The following ECPAS variants were observed in gnomAD, a reference collection of about 807,000 sequenced individuals.
The protein encoded by ECPAS is proteasome adapter and scaffold protein ECM29.
Under a neutral mutation model 255.1 loss-of-function variants are expected in ECPAS, and 70 were observed. The ratio of observed to expected loss-of-function variants is 0.27; its 90% confidence interval spans 0.23 to 0.33. The LOEUF is 0.33. Among genes scored for constraint, ECPAS ranks in the 10% least tolerant of loss-of-function variants. The probability of loss-of-function intolerance (pLI) is 1.00; values close to 1 mark genes in which losing one functional copy is unlikely to be tolerated. For missense variants in ECPAS, 1,817 were observed against 2,206.4 expected, an observed-to-expected ratio of 0.82 and a Z score of 3.54; for synonymous variants, 784 against 775.0, an observed-to-expected ratio of 1.01 and a Z score of -0.19.
At chr9:111,416,825 C>T (rs73656249) in intron 17 of ECPAS, among the ~76,000 whole-genome samples, 8,495 of 152,130 alleles carry the variant, frequency 0.056, 576 homozygotes, top group African/African-American at 0.15. Context: ...AGGTGTCCTC[C>T]GGCAAAGTGG....
intron 45 of ECPAS, among the ~76,000 whole-genome samples, chr9:111,369,981 G>A (rs2098125350): frequency 6.6e-6 from 1 of 152,176 alleles, no homozygotes; most frequent in Admixed American, 6.5e-5. Context: ...TCCCATGGAG[G>A]GCAAATGGAC....
chr9:111,399,654 G>A (rs1397592491), intron 24 of ECPAS, among the ~76,000 whole-genome samples: 1 of 152,190 alleles, frequency 6.6e-6, no homozygotes, highest in African/African-American at 2.4e-5. Flanking sequence ...CACACTTGGA[G>A]GGAGGAAAAG....
intron 2 of ECPAS, among the ~76,000 whole-genome samples, chr9:111,459,517 T>C (rs931896835): frequency 6.6e-6 from 1 of 152,158 alleles, no homozygotes; most frequent in African/African-American, 2.4e-5. Flanking sequence ...GAATTATTAG[T>C]AGAATCCCAC....
At position 111,383,235 on chromosome 9, in the gene ECPAS, G is replaced by C; in HGVS notation, c.3779C>G (p.Thr1260Ser). ...PCLLDKGMMSTVTEVRALSIN... is the reference protein window; with the variant it reads ...PCLLDKGMMSSVTEVRALSIN... ...CCTGAGGGCTCGAACTTCCGTCACGGTGCTCATCATTCCTTTGTCCAGAAG... is the reference window on the plus strand; with the variant it reads ...CCTGAGGGCTCGAACTTCCGTCACGCTGCTCATCATTCCTTTGTCCAGAAG... Residue 1260 changes from threonine to serine, a missense_variant, in exon 35 of 50, where the codon ACC (threonine) becomes AGC (serine). By Grantham distance (58) the Thr-to-Ser change is moderately conservative. Coordinates refer to ENST00000684092, the MANE Select transcript of ECPAS (RefSeq NM_001364929.1). The C allele has an allele frequency of 6.2e-7, 1 of 1,613,820 alleles. No homozygotes were observed. The highest frequency in any genetic ancestry group is 1.7e-5 in the Admixed American group (1 of 60,004).
intron 2 of ECPAS, among the ~76,000 whole-genome samples, chr9:111,452,346 C>T (rs1589217947): frequency 6.6e-6 from 1 of 152,210 alleles, no homozygotes; most frequent in East Asian, 1.9e-4. Context: ...TTTCGATCTG[C>T]GTGATTATAG....
chr9:111,371,966 G>C (rs1186999535), intron 42 of ECPAS, 137 bp from the exon 43 acceptor site: 2 of 673,516 alleles, frequency 3.0e-6, no homozygotes, highest in Non-Finnish European at 5.0e-6. Flanking sequence ...CTCTCAAAGG[G>C]AGAGAAAGTG....
chr9:111,380,809 T>G (rs1296376400), intron 35 of ECPAS, among the ~76,000 whole-genome samples: 2 of 152,216 alleles, frequency 1.3e-5, no homozygotes, highest in East Asian at 1.9e-4. Flanking sequence ...ACAGCTTCTT[T>G]CCTTAAACCT....
At chr9:111,473,097 C>A in intron 1 of ECPAS, 97 bp from the exon 2 acceptor site, 1 of 228,068 alleles carries the variant, frequency 4.4e-6, no homozygotes, top group Non-Finnish European at 7.6e-6. Flanking sequence ...CTTGTTAGAT[C>A]TTTGATGCCC....
intron 2 of ECPAS, among the ~76,000 whole-genome samples, chr9:111,458,701 C>T (rs2098269820): frequency 6.6e-6 from 1 of 152,068 alleles, no homozygotes; most frequent in Non-Finnish European, 1.5e-5. Flanking sequence ...ATCAATCAAT[C>T]ACACCTGGTC....
chr9:111,419,878 A>G (rs2098210653), intron 16 of ECPAS, 139 bp downstream of exon 16: 1 of 580,692 alleles, frequency 1.7e-6, no homozygotes, highest in Non-Finnish European at 3.1e-6. Flanking sequence ...ACAGGTCTAT[A>G]TCACATCAAG....
At chr9:111,377,109 T>TA (rs1036666536) in intron 36 of ECPAS, among the ~76,000 whole-genome samples, 1 of 152,066 alleles carries the variant, frequency 6.6e-6, no homozygotes, top group Non-Finnish European at 1.5e-5. Context: ...AAACATCCTA[T>TA]GGGCACCCAG....
At chr9:111,365,379 T>C (rs1484866278) in intron 48 of ECPAS, among the ~76,000 whole-genome samples, 4 of 151,392 alleles carry the variant, frequency 2.6e-5, no homozygotes, top group Non-Finnish European at 5.9e-5. Context: ...ATAAAGAACA[T>C]TACTGGCTGG....
Position 111,372,421 on chromosome 9 carries a change from C to T in ECPAS, c.4528+8G>A, listed in dbSNP as rs2098128582. 5 of 1,612,378 alleles carry T rather than the reference C, an allele frequency of 3.1e-6. No individual in the cohort carries two copies. The highest frequency in any genetic ancestry group is 3.3e-5 in the Admixed American group (2 of 59,948). On this transcript the variant is annotated splice_region_variant and intron_variant, in intron 42 of 49. Coordinates refer to ENST00000684092, the MANE Select transcript of ECPAS (RefSeq NM_001364929.1). Reference sequence around the variant, plus strand: ...AGAAGCAGGTTTAACTCAGGCCACACTACTAACCAGGTACGTTTTCCTGCC... The same window carrying T: ...AGAAGCAGGTTTAACTCAGGCCACATTACTAACCAGGTACGTTTTCCTGCC...
In ECPAS at chr9:111,361,837, C is replaced by A; in HGVS notation, c.*193G>T. The A allele has an allele frequency of 3.6e-6, 2 of 555,140 alleles. No homozygotes were observed. The highest frequency in any genetic ancestry group is 3.3e-5 in the East Asian group (1 of 29,994). 34.4% of individuals were successfully genotyped at this position (555,140 alleles called of 1,614,324 possible). On this transcript the variant is annotated 3_prime_UTR_variant, in exon 50 of 50. Coordinates refer to ENST00000684092, the MANE Select transcript of ECPAS (RefSeq NM_001364929.1). ...CAAGGTTCCATTAAGCTCACTCAGC[C>A]CAGATACTTTAAAAACATAAAGTAA...
At chr9:111,481,159 G>C (rs1402856626) in intron 1 of ECPAS, among the ~76,000 whole-genome samples, 5 of 152,210 alleles carry the variant, frequency 3.3e-5, no homozygotes, top group African/African-American at 1.2e-4. Context: ...AGAACTCTGT[G>C]TATTGTTGGT....
At chr9:111,417,399 AT>A (rs549766326) in intron 17 of ECPAS, among the ~76,000 whole-genome samples, 2 of 152,210 alleles carry the variant, frequency 1.3e-5, no homozygotes, top group East Asian at 1.9e-4. Context: ...GAGGATTACA[AT>A]TTTTTTTCCT....
Position 111,421,910 on chromosome 9 carries a change from C to T in ECPAS, c.1455+11G>A, listed in dbSNP as rs756230516. On this transcript the variant is annotated intron_variant, in intron 15 of 49. Transcript: ENST00000684092. ...TATACTACCCAGGCTTTGTAGTTCA[C>T]ACGGACCTACCTTTATTAAGTACGA... The T allele has an allele frequency of 3.7e-6, 6 of 1,612,054 alleles. No individual in the cohort carries two copies. The Admixed American group carries it at 1.0e-4, about 27-fold the overall frequency.
At chr9:111,377,668 ATGTT>A (rs1157755871) in intron 36 of ECPAS, among the ~76,000 whole-genome samples, 1 of 152,184 alleles carries the variant, frequency 6.6e-6, no homozygotes, top group African/African-American at 2.4e-5. Flanking sequence ...TTAAATTAGT[ATGTT>A]TGTTTGGTTT....
At chr9:111,379,184 TCAA>T (rs1408013707) in intron 35 of ECPAS, among the ~76,000 whole-genome samples, 3 of 152,152 alleles carry the variant, frequency 2.0e-5, no homozygotes, top group East Asian at 3.8e-4. Context: ...GACATTTCAG[TCAA>T]CAACAACAGA....
Sources: gnomAD v4.1 joint callset for allele counts (sites outside exome capture counted in the v4.1 genomes callset) on GRCh38, gnomAD v4.1.1 for gene constraint, MANE v1.5 for transcripts, NCBI Gene and HGNC (gene_info 2026-07-23, HGNC 2026-07-21) for gene names.